The following BRD10 variants were observed in gnomAD, a reference collection of about 807,000 sequenced individuals.
BRD10 encodes the protein uncharacterized bromodomain-containing protein 10.
chr9:5,881,599 G>A, the BRD10 span: 1 of 152,378 alleles, frequency 6.6e-6, no homozygotes, highest in African/African-American at 2.4e-5. Flanking sequence ...GTGCTTGGTA[G>A]GAGTTATTGA....
the BRD10 span, among the ~76,000 whole-genome samples, chr9:5,955,629 T>C: frequency 6.7e-6 from 1 of 149,516 alleles, no homozygotes; most frequent in East Asian, 1.9e-4. Flanking sequence ...ATGACTGAAC[T>C]GCAAATTTTG....
At chr9:5,967,289 G>T in the BRD10 span, among the ~76,000 whole-genome samples, 1 of 151,894 alleles carries the variant, frequency 6.6e-6, no homozygotes, top group Non-Finnish European at 1.5e-5. Flanking sequence ...GACATAAACT[G>T]ATTTAAAAGA....
At chr9:5,998,967 C>T in the BRD10 span, among the ~76,000 whole-genome samples, 1 of 151,906 alleles carries the variant, frequency 6.6e-6, no homozygotes, top group Non-Finnish European at 1.5e-5. Flanking sequence ...CTACTAGCAA[C>T]GTTGTATTTT....
chr9:5,946,755 C>T, the BRD10 span, among the ~76,000 whole-genome samples: 20 of 152,008 alleles, frequency 1.3e-4, no homozygotes, highest in African/African-American at 4.8e-4. Flanking sequence ...TCTCACTACA[C>T]AAGGAATAGG....
chr9:5,951,231 G>T, the BRD10 span, among the ~76,000 whole-genome samples: 1 of 151,698 alleles, frequency 6.6e-6, no homozygotes, highest in East Asian at 1.9e-4. Context: ...CAAATAGGGG[G>T]GCAAGTTCAA....
At chr9:5,913,072 T>C in the BRD10 span, among the ~76,000 whole-genome samples, 1 of 152,140 alleles carries the variant, frequency 6.6e-6, no homozygotes, top group Non-Finnish European at 1.5e-5. Flanking sequence ...TCTGATATGG[T>C]CTCTCTGATT....
the BRD10 span, among the ~76,000 whole-genome samples, chr9:5,883,367 G>C: frequency 1.6e-3 from 242 of 151,410 alleles, no homozygotes; most frequent in African/African-American, 5.7e-3. Context: ...CATGAACAAA[G>C]CTAATTTCAT....
At chr9:5,933,271 T>C in the BRD10 span, among the ~76,000 whole-genome samples, 4 of 152,216 alleles carry the variant, frequency 2.6e-5, no homozygotes, top group East Asian at 7.7e-4. Flanking sequence ...AGGCAAACAA[T>C]ACTGAGAGAA....
At chr9:5,947,130 GC>G in the BRD10 span, among the ~76,000 whole-genome samples, 6 of 152,098 alleles carry the variant, frequency 3.9e-5, no homozygotes, top group Non-Finnish European at 8.8e-5. Flanking sequence ...AAATCACACA[GC>G]TTAAGAGCTA....
At chr9:5,967,118 GAAGA>G in the BRD10 span, among the ~76,000 whole-genome samples, 15 of 151,922 alleles carry the variant, frequency 9.9e-5, no homozygotes, top group East Asian at 3.8e-4. Flanking sequence ...TTTTGCTACT[GAAGA>G]AAGAAATAAA....
chr9:5,921,688 T>A, the BRD10 span: 1 of 1,613,942 alleles, frequency 6.2e-7, no homozygotes, highest in Admixed American at 1.7e-5. Flanking sequence ...GCTGTTTAGT[T>A]GGAGTATGAA....
chr9:5,942,054 T>C, the BRD10 span, among the ~76,000 whole-genome samples: 1 of 152,068 alleles, frequency 6.6e-6, no homozygotes, highest in Non-Finnish European at 1.5e-5. Flanking sequence ...GAATATATCT[T>C]GTTACTGGAG....
At chr9:5,898,333 ACT>A in the BRD10 span, 1 of 152,326 alleles carries the variant, frequency 6.6e-6, no homozygotes, top group Non-Finnish European at 1.5e-5. Flanking sequence ...AGTGTGAAAC[ACT>A]CCACATATGG....
At chr9:5,992,697 GTTTAC>G in the BRD10 span, among the ~76,000 whole-genome samples, 2 of 131,442 alleles carry the variant, frequency 1.5e-5, no homozygotes, top group Non-Finnish European at 3.3e-5. Flanking sequence ...TGAGTTTTAC[GTTTAC>G]TTTCTTTCTC....
At chr9:5,958,312 T>C in the BRD10 span, among the ~76,000 whole-genome samples, 1 of 152,214 alleles carries the variant, frequency 6.6e-6, no homozygotes, top group Admixed American at 6.5e-5. Context: ...AATCTGGAAA[T>C]ATGCCTTTTA....
At chr9:5,895,701 C>T in the BRD10 span, among the ~76,000 whole-genome samples, 1 of 152,150 alleles carries the variant, frequency 6.6e-6, no homozygotes, top group African/African-American at 2.4e-5. Context: ...ATTGGGTAGG[C>T]CAGGGGTGGA....
At chr9:5,923,389 T>G in the BRD10 span, 2 of 1,100,242 alleles carry the variant, frequency 1.8e-6, no homozygotes, top group Non-Finnish European at 2.6e-6. Context: ...AAAAAGAAAG[T>G]CAATCTTTGA....
chr9:5,906,837 T>C, the BRD10 span: 8 of 1,236,500 alleles, frequency 6.5e-6, no homozygotes, highest in Non-Finnish European at 8.9e-6. Flanking sequence ...CTTTAATGGA[T>C]TCAGTTACTT....
the BRD10 span, among the ~76,000 whole-genome samples, chr9:5,943,513 G>A: frequency 6.8e-6 from 1 of 146,866 alleles, no homozygotes. Context: ...TCCCATTAAG[G>A]AACAGAATTA....
Sources: allele counts gnomAD v4.1 joint callset (sites outside exome capture counted in the v4.1 genomes callset), GRCh38; gene constraint gnomAD v4.1.1; transcripts MANE v1.5; gene names NCBI Gene and HGNC (gene_info 2026-07-23, HGNC 2026-07-21).